The following DDX50 variants were observed in gnomAD, a reference collection of about 807,000 sequenced individuals.
The protein encoded by DDX50 is ATP-dependent RNA helicase DDX50.
DDX50 carries 56 observed loss-of-function variants against 94.8 expected under a neutral mutation model. That is an observed-to-expected ratio of 0.59 (90% CI 0.48 to 0.74). The LOEUF is 0.74. Among genes scored for constraint, DDX50 ranks in the 30% least tolerant of loss-of-function variants. The probability of loss-of-function intolerance (pLI) is 0.00; values close to 1 mark genes in which losing one functional copy is unlikely to be tolerated. For synonymous variants in DDX50, 264 were observed against 295.4 expected, an observed-to-expected ratio of 0.89 and a Z score of 1.09; for missense variants, 713 against 881.2, an observed-to-expected ratio of 0.81 and a Z score of 2.42.
At chr10:68,922,706 C>T (rs972751723) in intron 8 of DDX50, among the ~76,000 whole-genome samples, 2 of 151,730 alleles carry the variant, frequency 1.3e-5, no homozygotes, top group Non-Finnish European at 2.9e-5. Flanking sequence ...GGTGGGAGAA[C>T]TTCATGAGGC....
intron 2 of DDX50, among the ~76,000 whole-genome samples, chr10:68,908,061 A>G (rs1841508496): frequency 6.6e-6 from 1 of 152,188 alleles, no homozygotes; most frequent in South Asian, 2.1e-4. Flanking sequence ...CTGATAGTAG[A>G]CATTTGGTTT....
At chr10:68,913,973 T>G in intron 6 of DDX50, 86 bp from the exon 7 acceptor site, 2 of 1,260,100 alleles carry the variant, frequency 1.6e-6, no homozygotes, top group Non-Finnish European at 2.1e-6. Context: ...TTTTTCATTA[T>G]TTTTTTGAAG....
intron 7 of DDX50, among the ~76,000 whole-genome samples, chr10:68,919,084 G>A (rs911860387): frequency 6.6e-6 from 1 of 152,110 alleles, no homozygotes; most frequent in Non-Finnish European, 1.5e-5. Flanking sequence ...GCCTAGGTGC[G>A]TGTAGTAGGC....
intron 7 of DDX50, among the ~76,000 whole-genome samples, chr10:68,917,833 C>G (rs1490612434): frequency 6.6e-6 from 1 of 152,174 alleles, no homozygotes; most frequent in Admixed American, 6.5e-5. Flanking sequence ...GAAGTCCTCA[C>G]CTCACGTGAT....
Position 68,913,563 on chromosome 10 carries a change from A to G in DDX50, c.930A>G (p.Glu310=), listed in dbSNP as rs373136124. The change falls in exon 6 of 15, where the codon GAA becomes GAG. Residue 310 remains glutamate, a synonymous_variant. Transcript: ENST00000373585. ...FAEQVEDIIH[E]SYKTDSEDNP... ...AACAAGTTGAAGATATTATTCATGA[A>G]TCCTACAAAACTGGTATATCCTAAT... 2.2e-5 allele frequency: 36 copies of G among 1,612,720 alleles called. No individual in the cohort carries two copies. The highest frequency in any genetic ancestry group is 3.1e-5 in the Non-Finnish European group (36 of 1,179,522).
intron 8 of DDX50, among the ~76,000 whole-genome samples, chr10:68,921,699 C>A (rs775872879): frequency 6.6e-6 from 1 of 152,114 alleles, no homozygotes; most frequent in African/African-American, 2.4e-5. Context: ...GAAACAGTAT[C>A]GCCTATTGAT....
intron 1 of DDX50, 134 bp from the exon 2 acceptor site, chr10:68,906,577 G>T: frequency 1.1e-6 from 1 of 910,722 alleles, no homozygotes; most frequent in African/African-American, 1.7e-5. Flanking sequence ...TAAGCAGTCT[G>T]GATTTCTACC....
intron 13 of DDX50, 88 bp downstream of exon 13, chr10:68,941,282 A>G: frequency 6.6e-7 from 1 of 1,521,444 alleles, no homozygotes; most frequent in East Asian, 2.3e-5. Flanking sequence ...TTCTCTTTGA[A>G]GCCTAATGGC....
chr10:68,911,398 C>G, intron 4 of DDX50, 152 bp downstream of exon 4: 2 of 832,142 alleles, frequency 2.4e-6, no homozygotes, highest in Non-Finnish European at 1.7e-6. Flanking sequence ...AAAGAAATTT[C>G]AAGCAAAGTT....
intron 8 of DDX50, among the ~76,000 whole-genome samples, chr10:68,932,872 A>G (rs1827811155): frequency 6.6e-6 from 1 of 152,212 alleles, no homozygotes; most frequent in South Asian, 2.1e-4. Flanking sequence ...AGTATTGAAG[A>G]ATAAAAGGTA....
At chr10:68,928,220 T>G (rs961884935) in intron 8 of DDX50, among the ~76,000 whole-genome samples, 1 of 151,756 alleles carries the variant, frequency 6.6e-6, no homozygotes, top group Admixed American at 6.6e-5. Flanking sequence ...GAGGCTGAGG[T>G]GGGAAGCATT....
chr10:68,910,433 C>T (rs372283056), intron 3 of DDX50, 51 bp downstream of exon 3: 95 of 1,467,702 alleles, frequency 6.5e-5, no homozygotes, highest in Middle Eastern at 2.4e-4. Context: ...GACAGAGCCT[C>T]GCTCTGTTGC....
intron 1 of DDX50, among the ~76,000 whole-genome samples, 164 bp downstream of exon 1, chr10:68,901,635 C>T (rs1370539418): frequency 1.3e-5 from 2 of 152,170 alleles, no homozygotes; most frequent in African/African-American, 2.4e-5. Flanking sequence ...ACCGTTTCCA[C>T]CTCCACCCTC....
chr10:68,944,441 A>G (rs1842619784), intron 14 of DDX50, among the ~76,000 whole-genome samples: 1 of 152,196 alleles, frequency 6.6e-6, no homozygotes, highest in South Asian at 2.1e-4. Flanking sequence ...TTGAAACAAA[A>G]ATGAGTATTT....
In DDX50 at chr10:68,913,534, G is replaced by A. The variant is rs1564603588; in HGVS notation, c.901G>A (p.Ala301Thr). 2 of 1,613,578 alleles carry A rather than the reference G, an allele frequency of 1.2e-6. No homozygotes were observed. Among genetic ancestry groups the A allele is most frequent in the African/African-American group, 1.3e-5 (1 of 74,904 alleles). Residue 301 changes from alanine (A) to threonine (T), a missense_variant, in exon 6 of 15, where the codon GCT becomes ACT. By Grantham distance (58) the Ala-to-Thr change is moderately conservative. Around this residue, in one of 2 missense-constraint regions of DDX50, gnomAD observed 428 missense variants for 602.3 expected, o/e 0.71. Coordinates refer to ENST00000373585, the MANE Select transcript of DDX50 (RefSeq NM_024045.2). The part of the protein sequence containing the change: ...EVDQMLDLGF[A>T]EQVEDIIHES... ...GGATCAGATGTTAGATTTAGGTTTC[G>A]CTGAACAAGTTGAAGATATTATTCA...
chr10:68,914,177 G>T lies in DDX50; in HGVS notation c.1062G>T (p.Met354Ile). The change falls in exon 7 of 15, where the codon ATG becomes ATT. Residue 354 changes from methionine (M) to isoleucine (I), a missense_variant. Physicochemically the swap from Met to Ile is conservative, Grantham distance 10. Coordinates refer to ENST00000373585, the MANE Select transcript of DDX50 (RefSeq NM_024045.2). ...RYEQVDLVGKMTQKAATTVEH... is the reference protein window; with the variant it reads ...RYEQVDLVGKITQKAATTVEH... ...AACAGGTTGACCTTGTTGGAAAAAT[G>T]ACTCAAAAGGCTGCAACTACTGTGG... The T allele has an allele frequency of 6.2e-7, 1 of 1,610,526 alleles. No homozygotes were observed. Among genetic ancestry groups the T allele is most frequent in the South Asian group, 1.1e-5 (1 of 90,110 alleles).
chr10:68,935,853 AAAAC>A (rs1275664219), intron 10 of DDX50, among the ~76,000 whole-genome samples, 149 bp from the exon 11 acceptor site: 1 of 152,154 alleles, frequency 6.6e-6, no homozygotes, highest in East Asian at 1.9e-4. Flanking sequence ...AACAAAAACA[AAAAC>A]AAAAAAGATA....
rs187887824 is a variant in DDX50, at chr10:68,946,742, A to G, written c.*112A>G. The G allele has an allele frequency of 2.8e-4, 375 of 1,363,268 alleles. 1 individual carries two copies. The African/African-American group carries it at 5.0e-3, about 18-fold the overall frequency. The allele number at this position is 1,363,268 out of a possible 1,614,324, so 84.4% of individuals were successfully genotyped here. A position where few individuals can be genotyped will look rare whatever the true frequency, so the allele number is the denominator to read the frequency against. ...TGAGGTATGTGTCTGCTATTTGCAA[A>G]GAAGTTGGTCGTATTTTTTTAAAAA... On this transcript the variant is annotated 3_prime_UTR_variant, in exon 15 of 15. Coordinates refer to ENST00000373585, the MANE Select transcript of DDX50 (RefSeq NM_024045.2).
intron 7 of DDX50, among the ~76,000 whole-genome samples, chr10:68,918,808 T>C (rs1841871497): frequency 1.3e-5 from 2 of 152,216 alleles, no homozygotes; most frequent in African/African-American, 4.8e-5. Flanking sequence ...GGATATTTCA[T>C]GTACAGTCAT....
Sources: allele counts gnomAD v4.1 joint callset (sites outside exome capture counted in the v4.1 genomes callset), GRCh38; gene constraint gnomAD v4.1.1; regional missense constraint gnomAD v4.1.1; transcripts MANE v1.5; gene names NCBI Gene and HGNC (gene_info 2026-07-23, HGNC 2026-07-21).